Variants in MTA2 observed in about 807,000 individuals in gnomAD.
MTA2 encodes metastasis-associated protein MTA2.
Under a neutral mutation model 87.1 loss-of-function variants are expected in MTA2, and 22 were observed. That is an observed-to-expected ratio of 0.25 (90% CI 0.18 to 0.36). The LOEUF is 0.36. Among genes scored for constraint, MTA2 ranks in the 10% least tolerant of loss-of-function variants. The pLI is 1.00. For missense variants in MTA2, 542 were observed against 853.2 expected, an observed-to-expected ratio of 0.64 and a Z score of 4.54; for synonymous variants, 314 against 310.1, an observed-to-expected ratio of 1.01 and a Z score of -0.13.
Position 62,593,632 on chromosome 11 carries a change from A to G in MTA2, c.*243T>C. The G allele has an allele frequency of 2.1e-6, 1 of 484,072 alleles. No homozygotes were observed. The highest frequency in any genetic ancestry group is 3.7e-6 in the Non-Finnish European group (1 of 271,594). 30.0% of individuals were successfully genotyped at this position (484,072 alleles called of 1,614,324 possible). On this transcript the variant is annotated 3_prime_UTR_variant, in exon 18 of 18. Coordinates refer to ENST00000278823, the MANE Select transcript of MTA2 (RefSeq NM_004739.4). The stretch of plus-strand genomic sequence containing the variant: ...ACATCTGTGGGTCCTACCCCCCAAA[A>G]CAGGCTAGGTTCCCACATGGGCCAA...
intron 6 of MTA2, 111 bp from the exon 7 acceptor site, chr11:62,597,823 A>G: frequency 9.7e-7 from 1 of 1,032,156 alleles, no homozygotes; most frequent in Non-Finnish European, 1.5e-6. Context: ...GATTCTATCA[A>G]CTCTCCGACT....
At chr11:62,596,584 G>C (rs749929043) in intron 9 of MTA2, 52 bp from the exon 10 acceptor site, 15 of 1,612,306 alleles carry the variant, frequency 9.3e-6, no homozygotes, top group Non-Finnish European at 1.2e-5. Flanking sequence ...CCCAGGTCCT[G>C]GTTCCCTCAC....
Position 62,596,311 on chromosome 11 carries a change from G to A in MTA2, c.984C>T (p.Asp328=), listed in dbSNP as rs1333885978. 2 of 1,614,158 alleles carry A rather than the reference G, an allele frequency of 1.2e-6. No homozygotes were observed. Among genetic ancestry groups the A allele is most frequent in the Admixed American group, 1.7e-5 (1 of 60,030 alleles). The change falls in exon 11 of 18, where the codon GAC becomes GAT. Residue 328 remains aspartate, a synonymous_variant. Transcript: ENST00000278823. ...GAATGTAGACCTGTTTCAGTTTGCT[G>A]TCTGCTTCAGCAGCTTTCAACCTTT... ...QQKRLKAAEA[D]SKLKQVYIPT...
At chr11:62,596,862 C>A (rs1365485007) in intron 8 of MTA2, 37 bp from the exon 9 acceptor site, 2 of 1,564,770 alleles carry the variant, frequency 1.3e-6, no homozygotes, top group South Asian at 2.4e-5. Context: ...GGACCTGAAA[C>A]TTTTGGCACC....
At chr11:62,601,103 C>T (rs1590733901) in intron 1 of MTA2, 1 of 517,604 alleles carries the variant, frequency 1.9e-6, no homozygotes. Flanking sequence ...AGCCGTCGCC[C>T]CAGCCCCTCG....
chr11:62,597,747 G>A, intron 6 of MTA2, 35 bp from the exon 7 acceptor site: 1 of 1,560,804 alleles, frequency 6.4e-7, no homozygotes, highest in Non-Finnish European at 8.8e-7. Flanking sequence ...ACAGGGAGAG[G>A]GCAGGGGGGA....
intron 2 of MTA2, 34 bp from the exon 3 acceptor site, chr11:62,600,293 G>C (rs370078923): frequency 1.5e-5 from 24 of 1,568,748 alleles, no homozygotes; most frequent in Non-Finnish European, 2.0e-5. Flanking sequence ...ACAAAACAAC[G>C]TAGCAGTGGA....
At position 62,594,344 on chromosome 11, in the gene MTA2, T is replaced by C. The variant is rs142063750; in HGVS notation, c.1756A>G (p.Ser586Gly). 4.0e-4 allele frequency: 642 copies of C among 1,614,148 alleles called. 2 individuals are homozygous for C. Among genetic ancestry groups the C allele is most frequent in the Non-Finnish European group, 5.1e-4 (607 of 1,180,026 alleles). ...GRPLASGIRS[S>G]SQPAAKRQKL... ...TGACGCTTGGCTGCTGGCTGTGAGCTTGAACGAATCCCTGAAGCCAGAGGC... is the reference window on the plus strand; with the variant it reads ...TGACGCTTGGCTGCTGGCTGTGAGCCTGAACGAATCCCTGAAGCCAGAGGC... Residue 586 changes from serine (S) to glycine (G), a missense_variant, in exon 17 of 18, where the codon AGC becomes GGC. Ser to Gly is a moderately conservative substitution (Grantham distance 56, BLOSUM62 0). Coordinates refer to ENST00000278823, the MANE Select transcript of MTA2 (RefSeq NM_004739.4).
Position 62,600,199 on chromosome 11 carries a change from T to C in MTA2, c.157A>G (p.Ser53Gly), listed in dbSNP as rs766134747. 6.8e-6 allele frequency: 11 copies of C among 1,614,058 alleles called. No homozygotes were observed. The highest frequency in any genetic ancestry group is 1.1e-5 in the South Asian group (1 of 91,090). Residue 53 changes from serine (S) to glycine (G), a missense_variant, in exon 3 of 18, where the codon AGT (serine) becomes GGT (glycine). Coordinates refer to ENST00000278823, the MANE Select transcript of MTA2 (RefSeq NM_004739.4). ...VCLFRRRDIS[S>G]SLNSLADSNA... is the part of the protein sequence containing the mutation. ...CTATCAGCCAGGCTGTTGAGGCTAC[T>C]AGAAATGTCCCTGCGCCGGAAAAGA...
rs772106552 is a variant in MTA2, at chr11:62,595,067, G to C, written c.1487C>G (p.Ser496Cys). 1 of 1,613,992 alleles carries C rather than the reference G, an allele frequency of 6.2e-7. No individual in the cohort carries two copies. The highest frequency in any genetic ancestry group is 8.5e-7 in the Non-Finnish European group (1 of 1,179,964). ...INANAIKAECSIRLPKAAKTP... is the reference protein window; with the variant it reads ...INANAIKAECCIRLPKAAKTP... ...CTTGGCGGCCTTAGGAAGTCGAATG[G>C]AGCCTGGAGAACAAAGAAGAAAGCT... The change falls in exon 15 of 18, where the codon TCC becomes TGC. Residue 496 changes from serine (S) to cysteine (C), a missense_variant. Coordinates refer to ENST00000278823, the MANE Select transcript of MTA2 (RefSeq NM_004739.4). This position sits in a 1 kb window ranked among gnomAD's most constrained non-coding sequence, Gnocchi z 4.9.
intron 1 of MTA2, chr11:62,601,016 C>A (rs2134328983): frequency 4.1e-6 from 2 of 490,928 alleles, no homozygotes; most frequent in African/African-American, 2.0e-5. Flanking sequence ...TAGCGCAGGG[C>A]CCCTACCTTT....
chr11:62,596,912 G>A (rs1942106054), intron 8 of MTA2, 87 bp from the exon 9 acceptor site: 11 of 1,374,838 alleles, frequency 8.0e-6, no homozygotes, highest in East Asian at 2.4e-5. Context: ...ACTCCCGGCC[G>A]GGCGCGGTGG....
intron 1 of MTA2, chr11:62,600,936 G>A: frequency 1.9e-6 from 1 of 522,256 alleles, no homozygotes; most frequent in South Asian, 2.3e-5. Context: ...CAAGAAGCAG[G>A]GGTTCCCCTG....
rs199787117 is a variant in MTA2, at chr11:62,594,638, G to GA, written c.1574-5dup. ...GGTTTCAGGGGTGCCTGGGCCACTG[G>GA]AAAAAAACAGAAAACTTTCGCACCT... is the stretch of plus-strand genomic sequence containing the variant. On this transcript the variant is annotated splice_region_variant and splice_polypyrimidine_tract_variant and intron_variant, in intron 15 of 17. Coordinates refer to ENST00000278823, the MANE Select transcript of MTA2 (RefSeq NM_004739.4). 6.1e-4 allele frequency: 985 copies of GA among 1,611,318 alleles called. 5 individuals are homozygous for GA. In the African/African-American group the frequency reaches 0.012, roughly 20 times the overall value.
chr11:62,598,507 C>T lies in MTA2; in HGVS notation c.308+15G>A, dbSNP rs147542384. 2.5e-4 allele frequency: 406 copies of T among 1,612,894 alleles called. 6 individuals are homozygous for T. In the East Asian group the frequency reaches 8.8e-3, roughly 35 times the overall value. The stretch of plus-strand genomic sequence containing the variant: ...TAAGTGCACGCAGGCTATGCTGGCC[C>T]CAGTTGTCCTGTACCGTATGTGGGT... On this transcript the variant is annotated intron_variant, in intron 4 of 17. Coordinates refer to ENST00000278823, the MANE Select transcript of MTA2 (RefSeq NM_004739.4).
chr11:62,596,649 A>T lies in MTA2; in HGVS notation c.870T>A (p.Ile290=). ...GCCATCCACTTACAAAATCCTGGCG[A>T]ATATCATTGAAGTCCTTCCCATACT... ...LEKYGKDFND[I]RQDFLPWKSL... is the part of the protein sequence containing the mutation. Residue 290 remains isoleucine (I), a synonymous_variant, in exon 9 of 18, where the codon ATT becomes ATA. Transcript: ENST00000278823. The T allele has an allele frequency of 6.2e-7, 1 of 1,612,720 alleles. No homozygotes were observed. The highest frequency in any genetic ancestry group is 8.5e-7 in the Non-Finnish European group (1 of 1,179,118).
In MTA2 at chr11:62,597,419, A is replaced by C. The variant is rs200018344; in HGVS notation, c.594-4T>G. The C allele has an allele frequency of 4.1e-5, 66 of 1,607,202 alleles. No homozygotes were observed. Among genetic ancestry groups the C allele is most frequent in the Non-Finnish European group, 5.6e-5 (66 of 1,177,582 alleles). ...TCTTGCAAAGGTTCCCACAGCTCTA[A>C]GGGAGAAATTGAGAAGTCAAAAGCG... On this transcript the variant is annotated splice_region_variant and splice_polypyrimidine_tract_variant and intron_variant, in intron 7 of 17. Coordinates refer to ENST00000278823, the MANE Select transcript of MTA2 (RefSeq NM_004739.4).
intron 3 of MTA2, among the ~76,000 whole-genome samples, chr11:62,599,857 C>T (rs1247315641): frequency 6.6e-6 from 1 of 152,234 alleles, no homozygotes; most frequent in East Asian, 1.9e-4. Flanking sequence ...CACCTACTGT[C>T]TCAATGTACC....
chr11:62,599,906 A>T (rs1227462830), intron 3 of MTA2, among the ~76,000 whole-genome samples: 1 of 152,184 alleles, frequency 6.6e-6, no homozygotes, highest in Non-Finnish European at 1.5e-5. Context: ...GTTTCTCTAA[A>T]GCTCGTCCTC....
Sources: allele counts gnomAD v4.1 joint callset (sites outside exome capture counted in the v4.1 genomes callset), GRCh38; gene constraint gnomAD v4.1.1; non-coding constraint Gnocchi (gnomAD v3.1); transcripts MANE v1.5; gene names NCBI Gene and HGNC (gene_info 2026-07-23, HGNC 2026-07-21).